Variants in AUTS2 observed in about 807,000 individuals in gnomAD.
The protein encoded by AUTS2 is activator of transcription and developmental regulator AUTS2.
In AUTS2, 17 loss-of-function variants were observed where a neutral mutation model predicts 112.4. The ratio of observed to expected loss-of-function variants is 0.15; its 90% CI spans 0.10 to 0.23. AUTS2 has a LOEUF of 0.23. Among genes scored for constraint, AUTS2 ranks in the 10% least tolerant of loss-of-function variants. AUTS2 has a pLI of 1.00. For missense variants in AUTS2, 1,510 were observed against 1,701.6 expected (o/e 0.89, Z 1.98); for synonymous variants, 751 against 702.7 (o/e 1.07, Z -1.09).
rs1205310255 is a variant in AUTS2 at position 69,598,525 on chromosome 7, G to A, written c.-1129G>A. The A allele has an allele frequency of 1.8e-5, 3 of 168,082 alleles. No homozygotes were observed. Among genetic ancestry groups the A allele is most frequent in the Admixed American group, 1.3e-4 (2 of 15,298 alleles). 10.4% of individuals were successfully genotyped at this position (168,082 alleles called of 1,614,324 possible). ...CCCGGGGACACGCCGTGCACCCTCC[G>A]GCTCGGGGCTTTCTCGGCGGCGGCG... On this transcript the variant is annotated 5_prime_UTR_variant, in exon 1 of 19. Transcript: ENST00000342771.
intron 1 of AUTS2, among the ~76,000 whole-genome samples, chr7:69,619,890 G>C (rs1793578471): frequency 6.6e-6 from 1 of 152,178 alleles, no homozygotes; most frequent in South Asian, 2.1e-4. Context: ...CACAGAAAAA[G>C]ATGTGTAACT....
intron 2 of AUTS2, among the ~76,000 whole-genome samples, chr7:69,957,303 G>A (rs911492632): frequency 1.3e-5 from 2 of 151,260 alleles, no homozygotes; most frequent in Admixed American, 6.6e-5. Flanking sequence ...CAACCGCATC[G>A]CTGGGTACAA....
At chr7:70,426,148 G>A (rs1795429542) in intron 4 of AUTS2, among the ~76,000 whole-genome samples, 1 of 152,158 alleles carries the variant, frequency 6.6e-6, no homozygotes, top group Non-Finnish European at 1.5e-5. Context: ...TAACGATGTG[G>A]TCTTTTCAAG....
At chr7:70,399,944 T>C (rs188117463) in intron 4 of AUTS2, among the ~76,000 whole-genome samples, 1 of 152,272 alleles carries the variant, frequency 6.6e-6, no homozygotes, top group African/African-American at 2.4e-5. Context: ...TCCAGGGAAT[T>C]ACAGAAATGG....
intron 2 of AUTS2, among the ~76,000 whole-genome samples, chr7:69,945,808 A>G (rs1000823336): frequency 6.6e-6 from 1 of 152,078 alleles, no homozygotes; most frequent in Non-Finnish European, 1.5e-5. Context: ...TGCCCTTGGC[A>G]ACCACCATTC....
intron 5 of AUTS2, among the ~76,000 whole-genome samples, chr7:70,638,953 C>T (rs1269782238): frequency 6.6e-6 from 1 of 152,152 alleles, no homozygotes; most frequent in Admixed American, 6.5e-5. Flanking sequence ...ACTTTTAGTA[C>T]AGAAGAGAGG....
rs1309113613 is a variant in AUTS2, at chr7:70,011,267, CT to C, written c.523-106861del. On this transcript the variant is annotated intron_variant, in intron 2 of 18. Coordinates refer to ENST00000342771, the MANE Select transcript of AUTS2 (RefSeq NM_015570.4). ...CACTGACATGCTTTAGGAAACAAATCTTTTGATGGCAAAACTCTCACTAGCC... is the reference window on the plus strand; with the variant it reads ...CACTGACATGCTTTAGGAAACAAATCTTTGATGGCAAAACTCTCACTAGCC... Among the ~76,000 whole-genome samples, 8 of 151,856 alleles carry C rather than the reference CT, an allele frequency of 5.3e-5. No homozygotes were observed. In the East Asian group the frequency reaches 1.6e-3, roughly 30 times the overall value.
intron 5 of AUTS2, among the ~76,000 whole-genome samples, chr7:70,575,153 G>T (rs1453372754): frequency 6.6e-6 from 1 of 152,218 alleles, no homozygotes; most frequent in Non-Finnish European, 1.5e-5. Context: ...GTGGTCTCCA[G>T]TTGGAGTTCT....
intron 2 of AUTS2, among the ~76,000 whole-genome samples, chr7:69,993,908 A>G (rs1798840906): frequency 6.6e-6 from 1 of 152,180 alleles, no homozygotes; most frequent in South Asian, 2.1e-4. Context: ...AAGATAAGCA[A>G]AACTTGGGAC....
chr7:69,683,280 G>T (rs771040228), intron 1 of AUTS2, among the ~76,000 whole-genome samples: 1 of 152,174 alleles, frequency 6.6e-6, no homozygotes. Flanking sequence ...TACCTGGCTG[G>T]TCGCCATGAT....
In AUTS2 at chr7:70,271,807, A is replaced by G. The variant is rs147257693; in HGVS notation, c.660+137236A>G. 1.0e-3 allele frequency among the ~76,000 whole-genome samples: 152 copies of G among 152,340 alleles called. 1 individual carries two copies. The highest frequency in any genetic ancestry group is 3.3e-3 in the African/African-American group (138 of 41,574). ...TATGAGTCACCACAATTTATTGCTAACCGTCACTTTTACATGATAGGTCTG... is the reference window on the plus strand; with the variant it reads ...TATGAGTCACCACAATTTATTGCTAGCCGTCACTTTTACATGATAGGTCTG... On this transcript the variant is annotated intron_variant, in intron 4 of 18. Transcript: ENST00000342771.
chr7:69,767,875 T>C (rs1584215885), intron 1 of AUTS2, among the ~76,000 whole-genome samples: 1 of 152,228 alleles, frequency 6.6e-6, no homozygotes, highest in East Asian at 1.9e-4. Context: ...CCAATTTAAA[T>C]GTCACTTTGT....
At chr7:70,197,623 G>T (rs1251151268) in intron 4 of AUTS2, among the ~76,000 whole-genome samples, 3 of 64,310 alleles carry the variant, frequency 4.7e-5, no homozygotes, top group South Asian at 6.0e-4. Context: ...CGAATATTGC[G>T]CTTTTCAGAC....
At chr7:70,348,192 G>A (rs1262941862) in intron 4 of AUTS2, among the ~76,000 whole-genome samples, 1 of 152,160 alleles carries the variant, frequency 6.6e-6, no homozygotes, top group Non-Finnish European at 1.5e-5. Context: ...CAGGCTGTAA[G>A]CAGGAGCTAC....
chr7:69,885,999 T>C (rs910026593), intron 1 of AUTS2, among the ~76,000 whole-genome samples: 65 of 152,228 alleles, frequency 4.3e-4, no homozygotes, highest in Non-Finnish European at 1.0e-4. Flanking sequence ...GAAAATGTGC[T>C]CTGGAGGCAA....
At chr7:70,606,105 TG>T (rs1803744315) in intron 5 of AUTS2, among the ~76,000 whole-genome samples, 1 of 152,234 alleles carries the variant, frequency 6.6e-6, no homozygotes, top group African/African-American at 2.4e-5. Flanking sequence ...CTGATTTAGT[TG>T]AATATTTCAA....
At chr7:69,892,499 T>A (rs970592285) in intron 1 of AUTS2, among the ~76,000 whole-genome samples, 2 of 152,208 alleles carry the variant, frequency 1.3e-5, no homozygotes, top group African/African-American at 2.4e-5. Context: ...ATACACATTT[T>A]AAAAAATATT....
chr7:69,660,279 G>A (rs1403780383), intron 1 of AUTS2, among the ~76,000 whole-genome samples: 1 of 152,194 alleles, frequency 6.6e-6, no homozygotes, highest in African/African-American at 2.4e-5. Context: ...TGGTGCTTCT[G>A]GGGCTTTTTA....
At chr7:70,109,872 G>A (rs1804977702) in intron 2 of AUTS2, among the ~76,000 whole-genome samples, 1 of 152,168 alleles carries the variant, frequency 6.6e-6, no homozygotes, top group South Asian at 2.1e-4. Context: ...TGGTGAGGGG[G>A]CCTTAGAATT....
Sources: allele counts gnomAD v4.1 joint callset (sites outside exome capture counted in the v4.1 genomes callset), GRCh38; gene constraint gnomAD v4.1.1; transcripts MANE v1.5; gene names NCBI Gene and HGNC (gene_info 2026-07-23, HGNC 2026-07-21).